The following HDAC9 variants were observed in gnomAD, a reference collection of about 807,000 sequenced individuals.
HDAC9 encodes the protein histone deacetylase 9.
Under a neutral mutation model 139.4 loss-of-function variants are expected in HDAC9, and 41 were observed. The ratio of observed to expected loss-of-function variants is 0.29; its 90% CI spans 0.23 to 0.38. The LOEUF is 0.38. HDAC9 is among the 10% of genes least tolerant of loss of function. The probability of loss-of-function intolerance (pLI) is 1.00; values close to 1 mark genes in which losing one functional copy is unlikely to be tolerated. For missense variants in HDAC9, 1,147 were observed against 1,297.0 expected, an observed-to-expected ratio of 0.88 and a Z score of 1.78; for synonymous variants, 517 against 476.2, an observed-to-expected ratio of 1.09 and a Z score of -1.12.
chr7:18,326,824 C>T (rs747266669), intron 1 of HDAC9, among the ~76,000 whole-genome samples: 8 of 151,836 alleles, frequency 5.3e-5, no homozygotes, highest in Non-Finnish European at 8.8e-5. Flanking sequence ...TGCAGAAATC[C>T]GAGGTCTTCA....
chr7:18,232,371 C>T (rs1339592735), intron 2 of HDAC9, among the ~76,000 whole-genome samples: 1 of 152,154 alleles, frequency 6.6e-6, no homozygotes, highest in Non-Finnish European at 1.5e-5. Flanking sequence ...CCCAACACTT[C>T]CTGAGATGTG....
At chr7:18,216,129 T>TGAGAGA (rs59712565) in intron 2 of HDAC9, among the ~76,000 whole-genome samples, 2 of 143,658 alleles carry the variant, frequency 1.4e-5, no homozygotes, top group Non-Finnish European at 3.1e-5. Flanking sequence ...TGTGTGTGTG[T>TGAGAGA]GAGAGAGAGA....
chr7:18,577,210 C>A (rs1410861539), intron 2 of HDAC9, among the ~76,000 whole-genome samples: 1 of 152,224 alleles, frequency 6.6e-6, no homozygotes, highest in Non-Finnish European at 1.5e-5. Flanking sequence ...GTGGCCATGG[C>A]TTCTGCCACA....
chr7:18,993,526 A>G (rs1178700369), intron 25 of HDAC9, among the ~76,000 whole-genome samples: 3 of 152,314 alleles, frequency 2.0e-5, no homozygotes, highest in Middle Eastern at 3.4e-3. Context: ...TTGAGGCTAG[A>G]CATGGTGGCG....
chr7:18,853,918 C>T (rs948410430), intron 21 of HDAC9, among the ~76,000 whole-genome samples: 9 of 152,068 alleles, frequency 5.9e-5, no homozygotes, highest in Non-Finnish European at 1.0e-4. Flanking sequence ...GTCTGGTTAT[C>T]TTAAGTGTTG....
chr7:18,771,224 A>T (rs911635387), intron 16 of HDAC9, among the ~76,000 whole-genome samples: 3 of 152,146 alleles, frequency 2.0e-5, no homozygotes, highest in African/African-American at 4.8e-5. Flanking sequence ...TCAATCTGTG[A>T]ACACAAAGCT....
chr7:18,954,200 A>T lies in HDAC9; in HGVS notation c.2992A>T (p.Ile998Phe), dbSNP rs769801652. Reference sequence around the variant, plus strand: ...CCAAAGCCCGAATATGAATGCTGTTATTTCTTTACAGAAGATCATTGAAAT... The same window carrying T: ...CCAAAGCCCGAATATGAATGCTGTTTTTTCTTTACAGAAGATCATTGAAAT... The part of the protein sequence containing the change: ...LHQSPNMNAV[I>F]SLQKIIEIQS... Residue 998 changes from isoleucine to phenylalanine, a missense_variant, in exon 24 of 26, where the codon ATT becomes TTT. Physicochemically the swap from Ile to Phe is conservative, Grantham distance 21. Transcript: ENST00000686413. The T allele has an allele frequency of 1.3e-6, 2 of 1,559,142 alleles. No homozygotes were observed. The highest frequency in any genetic ancestry group is 2.3e-5 in the South Asian group (2 of 85,718).
At chr7:18,331,470 C>T (rs1295995198) in intron 1 of HDAC9, among the ~76,000 whole-genome samples, 1 of 151,580 alleles carries the variant, frequency 6.6e-6, no homozygotes, top group African/African-American at 2.4e-5. Flanking sequence ...TATAGCACTA[C>T]CTTTTATTAG....
At chr7:18,900,368 G>A (rs1801587107) in intron 22 of HDAC9, among the ~76,000 whole-genome samples, 1 of 152,144 alleles carries the variant, frequency 6.6e-6, no homozygotes, top group African/African-American at 2.4e-5. Context: ...TGAAAACGAT[G>A]ATTTAGCCCA....
chr7:18,732,868 T>TCC (rs1786356950), intron 13 of HDAC9, among the ~76,000 whole-genome samples: 1 of 97,078 alleles, frequency 1.0e-5, no homozygotes. Flanking sequence ...TGCGTATGTG[T>TCC]ACACACACAC....
At chr7:18,340,331 A>C (rs184340924) in intron 1 of HDAC9, among the ~76,000 whole-genome samples, 166 of 151,664 alleles carry the variant, frequency 1.1e-3, no homozygotes, top group Non-Finnish European at 1.9e-3. Flanking sequence ...CTCCACCTTT[A>C]AATTGGAATG....
At chr7:18,770,320 A>G (rs1310657010) in intron 16 of HDAC9, among the ~76,000 whole-genome samples, 2 of 152,158 alleles carry the variant, frequency 1.3e-5, no homozygotes, top group Non-Finnish European at 2.9e-5. Context: ...ACCAGTTGAA[A>G]AGAACATTTG....
rs1419195729 is a variant in HDAC9 at position 18,935,910 on chromosome 7, G to C, written c.2905G>C (p.Glu969Gln). 4 of 1,613,638 alleles carry C rather than the reference G, an allele frequency of 2.5e-6. No individual in the cohort carries two copies. Among genetic ancestry groups the C allele is most frequent in the Admixed American group, 3.3e-5 (2 of 59,984 alleles). ...TCTCACAGCCATCTGTGATGCATCA[G>C]AAGCCTGTGTAAATGCCCTTCTAGG... is the stretch of plus-strand genomic sequence containing the variant. ...HDLTAICDASEACVNALLGNE... is the reference protein window; with the variant it reads ...HDLTAICDASQACVNALLGNE... Residue 969 changes from glutamate to glutamine, a missense_variant, in exon 23 of 26, where the codon GAA becomes CAA. Glu to Gln is a conservative substitution (Grantham distance 29, BLOSUM62 2). This residue lies in a region of HDAC9 where 407 missense variants were observed against 521.5 expected (regional missense o/e 0.78). Transcript: ENST00000686413.
chr7:18,247,820 A>G (rs1258229384), intron 2 of HDAC9, among the ~76,000 whole-genome samples: 1 of 152,228 alleles, frequency 6.6e-6, no homozygotes, highest in Non-Finnish European at 1.5e-5. Flanking sequence ...GAAAAGAAAC[A>G]GATCTGAGAG....
chr7:18,405,054 G>A (rs1053458155), intron 1 of HDAC9, among the ~76,000 whole-genome samples: 5 of 152,180 alleles, frequency 3.3e-5, no homozygotes, highest in Admixed American at 3.3e-4. Flanking sequence ...TGGGCTGTGG[G>A]AGCAAACAGG....
chr7:18,090,089 G>A (rs762820485), intron 1 of HDAC9, among the ~76,000 whole-genome samples: 3 of 151,952 alleles, frequency 2.0e-5, no homozygotes, highest in Non-Finnish European at 4.4e-5. Flanking sequence ...TACACTTTTT[G>A]GTGATTCCTC....
intron 12 of HDAC9, among the ~76,000 whole-genome samples, chr7:18,709,708 G>A (rs1190735103): frequency 6.6e-6 from 1 of 152,172 alleles, no homozygotes. Flanking sequence ...AGAATCAAAT[G>A]GGAGAATTTA....
In HDAC9 at chr7:18,996,051, C is replaced by A; in HGVS notation, c.3199C>A (p.Pro1067Thr). The A allele has an allele frequency of 1.2e-6, 2 of 1,605,312 alleles. No homozygotes were observed. Among genetic ancestry groups the A allele is most frequent in the Non-Finnish European group, 1.7e-6 (2 of 1,175,816 alleles). ...RTAGEPMEEE[P>T]AL is the part of the protein sequence containing the mutation. ...TGCTGGTGAGCCTATGGAAGAGGAGCCAGCCTTGTGAAGTGCCAAGTCCCC... is the reference window on the plus strand; with the variant it reads ...TGCTGGTGAGCCTATGGAAGAGGAGACAGCCTTGTGAAGTGCCAAGTCCCC... The change falls in exon 26 of 26, where the codon CCA becomes ACA. Residue 1067 changes from proline to threonine, a missense_variant. Transcript: ENST00000686413.
At chr7:18,551,405 G>A (rs759879533) in intron 2 of HDAC9, among the ~76,000 whole-genome samples, 1 of 152,102 alleles carries the variant, frequency 6.6e-6, no homozygotes, top group Non-Finnish European at 1.5e-5. Flanking sequence ...TGAGGTTACC[G>A]AGGAAGTGAC....
Sources: gnomAD v4.1 joint callset for allele counts (sites outside exome capture counted in the v4.1 genomes callset) on GRCh38, gnomAD v4.1.1 for gene constraint, gnomAD v4.1.1 regional missense constraint, MANE v1.5 for transcripts, NCBI Gene and HGNC (gene_info 2026-07-23, HGNC 2026-07-21) for gene names.